SLIT2: variants seen among roughly 807,000 people sequenced by gnomAD.
The protein encoded by SLIT2 is slit homolog 2 protein.
Under a neutral mutation model 185.7 loss-of-function variants are expected in SLIT2, and 41 were observed. The ratio of observed to expected loss-of-function variants is 0.22; its 90% confidence interval spans 0.17 to 0.29. The LOEUF is 0.29. SLIT2 is among the 10% of genes least tolerant of loss of function. SLIT2 has a pLI of 1.00. For synonymous variants in SLIT2, 693 were observed against 680.2 expected, an observed-to-expected ratio of 1.02 and a Z score of -0.29; for missense variants, 1,571 against 1,909.0, an observed-to-expected ratio of 0.82 and a Z score of 3.30.
intron 4 of SLIT2, among the ~76,000 whole-genome samples, chr4:20,307,231 T>TTTCCTTCCTTCCTTCC (rs71181557): frequency 0.063 from 3,604 of 57,640 alleles, 270 homozygotes; most frequent in African/African-American, 0.1. Flanking sequence ...CTCTATTTCT[T>TTTCCTTCCTTCCTTCC]TTCCTTCCTT....
Position 20,598,413 on chromosome 4 carries a change from A to G in SLIT2, c.3692+18A>G, listed in dbSNP as rs768169796. ...ATTTACAGGTGAAGATCTCTCAGTT[A>G]CGGGTAAAGGTGAAAAAAATTGCTT... On this transcript the variant is annotated intron_variant, in intron 33 of 36. Coordinates refer to ENST00000504154, the MANE Select transcript of SLIT2 (RefSeq NM_004787.4). The G allele has an allele frequency of 6.2e-6, 10 of 1,613,592 alleles. No individual in the cohort carries two copies. Among genetic ancestry groups the G allele is most frequent in the Non-Finnish European group, 8.5e-6 (10 of 1,179,768 alleles).
intron 4 of SLIT2, among the ~76,000 whole-genome samples, chr4:20,390,771 T>A (rs55921741): frequency 0.59 from 75,023 of 127,556 alleles, 19,270 homozygotes; most frequent in African/African-American, 0.66. Context: ...TTTTTTTTTT[T>A]AAAAAAAAAT....
intron 4 of SLIT2, among the ~76,000 whole-genome samples, chr4:20,293,321 C>A (rs1716151270): frequency 6.6e-6 from 1 of 152,122 alleles, no homozygotes; most frequent in South Asian, 2.1e-4. Flanking sequence ...GCCTAGAGAT[C>A]AGTTACAAAA....
At chr4:20,307,156 CTCCCTCCT>C (rs1472822234) in intron 4 of SLIT2, among the ~76,000 whole-genome samples, 2,188 of 15,438 alleles carry the variant, frequency 0.14, 180 homozygotes, top group African/African-American at 0.32. Flanking sequence ...CCCTCCCTCC[CTCCCTCCT>C]TCCTTCCTTC....
intron 33 of SLIT2, among the ~76,000 whole-genome samples, chr4:20,605,586 C>T (rs1332979465): frequency 6.6e-6 from 1 of 152,076 alleles, no homozygotes; most frequent in Non-Finnish European, 1.5e-5. Context: ...AAAAGGATGC[C>T]ATGCATTACA....
intron 4 of SLIT2, among the ~76,000 whole-genome samples, chr4:20,344,650 C>G (rs145564706): frequency 2.8e-4 from 43 of 152,168 alleles, no homozygotes; most frequent in African/African-American, 1.0e-3. Flanking sequence ...TTCTGTCTCC[C>G]TCATTGATAT....
At chr4:20,424,073 G>A (rs542449135) in intron 4 of SLIT2, among the ~76,000 whole-genome samples, 98 of 152,210 alleles carry the variant, frequency 6.4e-4, no homozygotes, top group African/African-American at 2.2e-3. Flanking sequence ...GAAACCATTT[G>A]TTCATTGTCA....
intron 4 of SLIT2, among the ~76,000 whole-genome samples, chr4:20,356,634 C>T (rs1722346122): frequency 6.6e-6 from 1 of 152,178 alleles, no homozygotes; most frequent in East Asian, 1.9e-4. Flanking sequence ...CCCTGTATTA[C>T]TCTAGCTCAT....
At chr4:20,472,386 G>GATA (rs1560453735) in intron 5 of SLIT2, among the ~76,000 whole-genome samples, 3 of 38,402 alleles carry the variant, frequency 7.8e-5, no homozygotes, top group African/African-American at 4.3e-4. Flanking sequence ...CTATATATAT[G>GATA]TAGATATATA....
chr4:20,517,857 A>G (rs755834238), intron 11 of SLIT2, among the ~76,000 whole-genome samples: 4 of 151,964 alleles, frequency 2.6e-5, no homozygotes, highest in Non-Finnish European at 5.9e-5. Flanking sequence ...TGCCAAACGT[A>G]TCAATTATTT....
chr4:20,433,827 G>A (rs1729153905), intron 4 of SLIT2, among the ~76,000 whole-genome samples: 1 of 152,104 alleles, frequency 6.6e-6, no homozygotes. Context: ...TTAAGTTATA[G>A]GTACTCATCT....
intron 4 of SLIT2, among the ~76,000 whole-genome samples, chr4:20,362,391 G>A (rs1415453239): frequency 2.0e-5 from 3 of 152,152 alleles, no homozygotes; most frequent in African/African-American, 4.8e-5. Context: ...CTCTCAGTGC[G>A]TCAACTTTTC....
chr4:20,470,339 T>C (rs1283325376), intron 5 of SLIT2, among the ~76,000 whole-genome samples: 1 of 151,994 alleles, frequency 6.6e-6, no homozygotes, highest in African/African-American at 2.4e-5. Flanking sequence ...GAAAATATAA[T>C]AGAAAGTGCT....
At chr4:20,373,275 T>C (rs1331849858) in intron 4 of SLIT2, among the ~76,000 whole-genome samples, 1 of 152,174 alleles carries the variant, frequency 6.6e-6, no homozygotes, top group East Asian at 1.9e-4. Context: ...TTTTGACTTA[T>C]AGTAGATCAA....
Position 20,482,751 on chromosome 4 carries a change from G to A in SLIT2, c.539+1964G>A, listed in dbSNP as rs1716827954. Reference sequence around the variant, plus strand: ...AAATAATAAAAATTAGCATATGATAGAAGACAATGTAAATTTCTTCTAAAA... The same window carrying A: ...AAATAATAAAAATTAGCATATGATAAAAGACAATGTAAATTTCTTCTAAAA... On this transcript the variant is annotated intron_variant, in intron 6 of 36. Coordinates refer to ENST00000504154, the MANE Select transcript of SLIT2 (RefSeq NM_004787.4). Among the ~76,000 whole-genome samples the A allele has an allele frequency of 2.6e-5, 4 of 151,892 alleles. No homozygotes were observed. In the South Asian group the frequency reaches 8.3e-4, roughly 32 times the overall value.
chr4:20,383,786 T>A (rs1341136416), intron 4 of SLIT2, among the ~76,000 whole-genome samples: 1 of 152,146 alleles, frequency 6.6e-6, no homozygotes, highest in Non-Finnish European at 1.5e-5. Flanking sequence ...CACTGCAATC[T>A]CCATCTCCCG....
At position 20,567,297 on chromosome 4, in the gene SLIT2, C is replaced by A; in HGVS notation, c.2761C>A (p.Pro921Thr). Residue 921 changes from proline (P) to threonine (T), a missense_variant, in exon 27 of 37, where the codon CCC becomes ACC. Pro to Thr is a conservative substitution (Grantham distance 38, BLOSUM62 -1). Around this residue, in one of 3 missense-constraint regions of SLIT2, gnomAD observed 1,202 missense variants for 1,416.4 expected, o/e 0.85. Coordinates refer to ENST00000504154, the MANE Select transcript of SLIT2 (RefSeq NM_004787.4). ...VDVNILAKCNPCLSNPCKNDG... is the reference protein window; with the variant it reads ...VDVNILAKCNTCLSNPCKNDG... ...TGTCAATATTCTAGCTAAGTGTAAC[C>A]CCTGCCTATCAAATCCGTGTAAAAA... 6.2e-7 allele frequency: 1 copy of A among 1,611,928 alleles called. No homozygotes were observed. The highest frequency in any genetic ancestry group is 8.5e-7 in the Non-Finnish European group (1 of 1,178,730).
At chr4:20,313,585 T>C (rs1718308034) in intron 4 of SLIT2, among the ~76,000 whole-genome samples, 1 of 152,186 alleles carries the variant, frequency 6.6e-6, no homozygotes, top group Non-Finnish European at 1.5e-5. Flanking sequence ...TCTTTTTTAG[T>C]ATATCCACTT....
chr4:20,487,495 C>G (rs1717354323), intron 7 of SLIT2, among the ~76,000 whole-genome samples: 1 of 152,044 alleles, frequency 6.6e-6, no homozygotes, highest in Admixed American at 6.6e-5. Context: ...GTGAGTTTGT[C>G]TTACTAATCA....
Sources: allele counts gnomAD v4.1 joint callset (sites outside exome capture counted in the v4.1 genomes callset), GRCh38; gene constraint gnomAD v4.1.1; regional missense constraint gnomAD v4.1.1; transcripts MANE v1.5; gene names NCBI Gene and HGNC (gene_info 2026-07-23, HGNC 2026-07-21).